Variants in ANO2 observed in about 807,000 individuals in gnomAD.
The protein encoded by ANO2 is anoctamin 2, also known as anoctamin-2.
Under a neutral mutation model 124.2 loss-of-function variants are expected in ANO2, and 101 were observed. The observed-to-expected ratio is 0.81, with a 90% confidence interval of 0.69 to 0.96. ANO2 has a LOEUF of 0.96. Among genes scored for constraint, ANO2 ranks in the 40% least tolerant of loss-of-function variants. The pLI, the probability that ANO2 is intolerant of heterozygous loss-of-function variation, is 0.00. For synonymous variants in ANO2, 486 were observed against 482.5 expected, an observed-to-expected ratio of 1.01 and a Z score of -0.09; for missense variants, 1,293 against 1,274.5, an observed-to-expected ratio of 1.01 and a Z score of -0.22.
chr12:5,599,884 C>T (rs1219731099), intron 19 of ANO2, among the ~76,000 whole-genome samples: 2 of 152,172 alleles, frequency 1.3e-5, no homozygotes, highest in Non-Finnish European at 2.9e-5. Context: ...TTGAATTCTT[C>T]CTGCTGTCTG....
chr12:5,694,251 C>CAGACAGAGAGAG (rs1555137018), intron 14 of ANO2, among the ~76,000 whole-genome samples: 122 of 133,966 alleles, frequency 9.1e-4, no homozygotes, highest in African/African-American at 3.4e-3. Flanking sequence ...TTACCAGAGA[C>CAGACAGAGAGAG]AGAGAGAGAG....
chr12:5,868,148 C>T (rs1380460201), intron 3 of ANO2, among the ~76,000 whole-genome samples: 2 of 151,920 alleles, frequency 1.3e-5, no homozygotes, highest in African/African-American at 2.4e-5. Flanking sequence ...GAATTACATG[C>T]CTGTATCAGG....
intron 7 of ANO2, among the ~76,000 whole-genome samples, chr12:5,809,263 C>G (rs896331921): frequency 7.9e-5 from 12 of 152,098 alleles, no homozygotes; most frequent in Admixed American, 5.2e-4. Context: ...TGAAGCCACC[C>G]TACCATAATC....
At chr12:5,618,517 G>C (rs750906646) in intron 16 of ANO2, among the ~76,000 whole-genome samples, 2 of 152,164 alleles carry the variant, frequency 1.3e-5, no homozygotes, top group Non-Finnish European at 2.9e-5. Flanking sequence ...TTACAGCCTT[G>C]CTCAAGATCA....
chr12:5,798,329 C>T (rs1415746056), intron 10 of ANO2, among the ~76,000 whole-genome samples: 1 of 152,156 alleles, frequency 6.6e-6, no homozygotes, highest in African/African-American at 2.4e-5. Context: ...GGAACAAACA[C>T]CTGCTTCCAA....
upstream of ANO2, among the ~76,000 whole-genome samples, chr12:5,945,434 G>A (rs1176318140): frequency 6.6e-6 from 1 of 152,140 alleles, no homozygotes; most frequent in Non-Finnish European, 1.5e-5. Flanking sequence ...CTGGGAGCGG[G>A]GCGTCGAGAA....
intron 3 of ANO2, among the ~76,000 whole-genome samples, chr12:5,874,537 C>T (rs2137286772): frequency 6.6e-6 from 1 of 152,328 alleles, no homozygotes; most frequent in East Asian, 1.9e-4. Context: ...GCCTCTTGCT[C>T]CTTGCTTGAC....
intron 14 of ANO2, among the ~76,000 whole-genome samples, chr12:5,723,887 C>G (rs2137055616): frequency 6.6e-6 from 1 of 152,216 alleles, no homozygotes; most frequent in Non-Finnish European, 1.5e-5. Flanking sequence ...GACTGCAGAG[C>G]TGAACCAACC....
chr12:5,638,861 C>CTA (rs1946183336), intron 15 of ANO2, among the ~76,000 whole-genome samples: 1 of 152,188 alleles, frequency 6.6e-6, no homozygotes, highest in East Asian at 1.9e-4. Flanking sequence ...ATAAGCCAGG[C>CTA]TACAGAGTCC....
chr12:5,740,762 G>A (rs1182958201), intron 12 of ANO2: 1 of 152,196 alleles, frequency 6.6e-6, no homozygotes, highest in African/African-American at 2.4e-5. Context: ...GCTCCTTACA[G>A]TCTAAGTTCT....
chr12:5,882,570 G>A (rs1030540378), intron 3 of ANO2, among the ~76,000 whole-genome samples: 1 of 152,208 alleles, frequency 6.6e-6, no homozygotes, highest in African/African-American at 2.4e-5. Flanking sequence ...TCAGACATCA[G>A]AGGGACAACT....
chr12:5,822,755 T>G (rs1052198876), intron 7 of ANO2, among the ~76,000 whole-genome samples: 3 of 152,214 alleles, frequency 2.0e-5, no homozygotes, highest in Non-Finnish European at 4.4e-5. Flanking sequence ...GCAATGCTTC[T>G]GCCAAGACTA....
rs372084872 is a variant in ANO2, at chr12:5,853,412, G to A, written c.633+631C>T. On this transcript the variant is annotated intron_variant, in intron 4 of 24. Coordinates refer to ENST00000682330, the MANE Select transcript of ANO2 (RefSeq NM_001364791.2). The stretch of plus-strand genomic sequence containing the variant: ...GTCAACCCAGATGTGCATCATCCTG[G>A]GGATTTTTTGCCTAACACTGATGAG... 4.6e-5 allele frequency among the ~76,000 whole-genome samples: 7 copies of A among 151,952 alleles called. No individual in the cohort carries two copies. In the East Asian group the frequency reaches 7.7e-4, roughly 17 times the overall value.
rs777756312 is a variant in ANO2, at chr12:5,854,048, T to C, written c.628A>G (p.Lys210Glu). The C allele has an allele frequency of 6.2e-7, 1 of 1,612,724 alleles. No individual in the cohort carries two copies. Among genetic ancestry groups the C allele is most frequent in the Non-Finnish European group, 8.5e-7 (1 of 1,179,140 alleles). ...CAGGAGAAACATGCTCATACTTTCT[T>C]GGTAGGAACTTTGATCTTCAAGAAT... The part of the protein sequence containing the change: ...AEFLKIKVPT[K>E]KMYEIKAGGS... The change falls in exon 4 of 25, where the codon AAG becomes GAG. Residue 210 changes from lysine (K) to glutamate (E), a missense_variant. Transcript: ENST00000682330.
chr12:5,901,206 T>G (rs1940182358), intron 3 of ANO2, among the ~76,000 whole-genome samples: 1 of 152,064 alleles, frequency 6.6e-6, no homozygotes, highest in African/African-American at 2.4e-5. Context: ...TGGGGATAAA[T>G]AATCAGAAAC....
intron 14 of ANO2, among the ~76,000 whole-genome samples, chr12:5,651,595 A>T (rs1010948449): frequency 6.6e-6 from 1 of 151,642 alleles, no homozygotes; most frequent in African/African-American, 2.4e-5. Flanking sequence ...TTCATTTTTA[A>T]TTAAGATATA....
intron 3 of ANO2, among the ~76,000 whole-genome samples, chr12:5,880,024 A>G (rs1297367270): frequency 6.6e-6 from 1 of 152,164 alleles, no homozygotes; most frequent in Non-Finnish European, 1.5e-5. Flanking sequence ...AGATTGTGGC[A>G]ATGGGGAAGG....
At chr12:5,576,052 T>C (rs749342417) in intron 22 of ANO2, 37 bp from the exon 23 acceptor site, 8 of 1,549,736 alleles carry the variant, frequency 5.2e-6, no homozygotes, top group South Asian at 3.6e-5. Context: ...GTAGCCAGGA[T>C]TGATGCTAAA....
In ANO2 at chr12:5,577,923, A is replaced by T. The variant is rs759793735; in HGVS notation, c.2439+32T>A. 1.9e-6 allele frequency: 3 copies of T among 1,605,972 alleles called. No homozygotes were observed. The East Asian group carries it at 6.7e-5, about 36-fold the overall frequency. ...CAGCTTCTCTGGAAGCCCTTCCCAC[A>T]GAGCGAGTGTGTCATGAATGCAAGT... On this transcript the variant is annotated intron_variant, in intron 22 of 24. Coordinates refer to ENST00000682330, the MANE Select transcript of ANO2 (RefSeq NM_001364791.2).
Sources: allele counts gnomAD v4.1 joint callset (sites outside exome capture counted in the v4.1 genomes callset), GRCh38; gene constraint gnomAD v4.1.1; transcripts MANE v1.5; gene names NCBI Gene and HGNC (gene_info 2026-07-23, HGNC 2026-07-21).